The following SLC35F3 variants were observed in gnomAD, a reference collection of about 807,000 sequenced individuals.
SLC35F3 encodes the protein putative thiamine transporter SLC35F3.
SLC35F3 carries 25 observed loss-of-function variants against 49.9 expected under a neutral mutation model. The observed-to-expected ratio is 0.50, with a 90% confidence interval of 0.37 to 0.70. The LOEUF is 0.70. Ranked by LOEUF, SLC35F3 falls within the 30% of genes least tolerant of loss-of-function variation. The pLI, the probability that SLC35F3 is intolerant of heterozygous loss-of-function variation, is 0.00. For synonymous variants in SLC35F3, 275 were observed against 265.4 expected (o/e 1.04, Z -0.35); for missense variants, 525 against 639.8 (o/e 0.82, Z 1.94).
intron 2 of SLC35F3, among the ~76,000 whole-genome samples, chr1:234,122,756 G>T (rs1387187228): frequency 6.6e-6 from 1 of 152,110 alleles, no homozygotes; most frequent in Non-Finnish European, 1.5e-5. Flanking sequence ...GAGAATGATG[G>T]CTTGCAGCTT....
chr1:233,941,648 C>A (rs1416457679), intron 2 of SLC35F3, among the ~76,000 whole-genome samples: 2 of 152,120 alleles, frequency 1.3e-5, no homozygotes, highest in African/African-American at 4.8e-5. Flanking sequence ...GTCATAACTC[C>A]CCGATGATCA....
At chr1:234,060,091 A>G (rs1664518642) in intron 2 of SLC35F3, among the ~76,000 whole-genome samples, 1 of 152,224 alleles carries the variant, frequency 6.6e-6, no homozygotes, top group South Asian at 2.1e-4. Context: ...AGAATCAATA[A>G]CAAAACATAC....
chr1:234,248,197 C>G (rs672096), intron 3 of SLC35F3, among the ~76,000 whole-genome samples: 102,154 of 122,488 alleles, frequency 0.83, 40,944 homozygotes, highest in African/African-American at 0.9. Context: ...GTTGGCTGGT[C>G]CATTGTTTGG....
intron 2 of SLC35F3, among the ~76,000 whole-genome samples, chr1:234,017,537 C>T (rs895502529): frequency 2.6e-5 from 4 of 151,550 alleles, no homozygotes; most frequent in African/African-American, 9.7e-5. Context: ...CACTGTGAAA[C>T]CCCGTCTCTA....
At chr1:234,262,206 C>T (rs1667915375) in intron 3 of SLC35F3, among the ~76,000 whole-genome samples, 1 of 151,874 alleles carries the variant, frequency 6.6e-6, no homozygotes, top group African/African-American at 2.4e-5. Context: ...GAGTGTGAAG[C>T]AATGTGCTAG....
chr1:234,166,935 C>A (rs1160617689), intron 2 of SLC35F3, among the ~76,000 whole-genome samples: 1 of 152,166 alleles, frequency 6.6e-6, no homozygotes, highest in African/African-American at 2.4e-5. Flanking sequence ...TCATTCCACG[C>A]CCTAAGGGAA....
chr1:234,101,373 A>T (rs1247690535), intron 2 of SLC35F3, among the ~76,000 whole-genome samples: 1 of 151,940 alleles, frequency 6.6e-6, no homozygotes, highest in Non-Finnish European at 1.5e-5. Flanking sequence ...TTGCCCAGAC[A>T]CTCCTGAAAA....
intron 2 of SLC35F3, among the ~76,000 whole-genome samples, chr1:233,982,364 T>A (rs1337774895): frequency 6.6e-6 from 1 of 152,186 alleles, no homozygotes; most frequent in African/African-American, 2.4e-5. Flanking sequence ...GAGGTTTTTT[T>A]AAATTTATTT....
intron 2 of SLC35F3, among the ~76,000 whole-genome samples, chr1:234,155,393 C>CTGACGATGA (rs1553310138): frequency 1.0e-5 from 1 of 99,574 alleles, no homozygotes; most frequent in African/African-American, 5.0e-5. Flanking sequence ...TGCTATTCAC[C>CTGACGATGA]TGATTATTAT....
rs191664666 is a variant in SLC35F3, at chr1:234,152,462, G to A, written c.284-78955G>A. On this transcript the variant is annotated intron_variant, in intron 2 of 7. Coordinates refer to ENST00000366618, the MANE Select transcript of SLC35F3 (RefSeq NM_173508.4). ...CTCATTGTTCACCTCCCACCTATGAGTGAGAACATGCAGTGTTTGGTTTTC... is the reference window on the plus strand; with the variant it reads ...CTCATTGTTCACCTCCCACCTATGAATGAGAACATGCAGTGTTTGGTTTTC... Among the ~76,000 whole-genome samples, 646 of 152,204 alleles carry A rather than the reference G, an allele frequency of 4.2e-3. 5 individuals carry two copies. Among genetic ancestry groups the A allele is most frequent in the African/African-American group, 0.015 (612 of 41,506 alleles).
At chr1:234,289,852 A>T (rs1322899817) in intron 3 of SLC35F3, among the ~76,000 whole-genome samples, 3 of 152,266 alleles carry the variant, frequency 2.0e-5, no homozygotes, top group African/African-American at 7.2e-5. Flanking sequence ...TAAATCACAA[A>T]GTAAACCAAA....
chr1:234,095,243 T>A (rs971530754), intron 2 of SLC35F3, among the ~76,000 whole-genome samples: 3 of 152,168 alleles, frequency 2.0e-5, no homozygotes, highest in Non-Finnish European at 4.4e-5. Context: ...AAGTTCATGG[T>A]CATTAACTTA....
chr1:234,257,682 A>G (rs959010204), intron 3 of SLC35F3, among the ~76,000 whole-genome samples: 2 of 152,218 alleles, frequency 1.3e-5, no homozygotes, highest in Non-Finnish European at 2.9e-5. Flanking sequence ...CAGAGACTGC[A>G]ATAAGAAAGT....
At chr1:233,988,463 A>G (rs753951727) in intron 2 of SLC35F3, among the ~76,000 whole-genome samples, 12 of 152,188 alleles carry the variant, frequency 7.9e-5, no homozygotes, top group Non-Finnish European at 4.4e-5. Flanking sequence ...ACTTGCTATC[A>G]GTTCCCCTAT....
intron 3 of SLC35F3, among the ~76,000 whole-genome samples, chr1:234,286,912 G>A (rs754840052): frequency 1.3e-5 from 2 of 152,208 alleles, no homozygotes; most frequent in East Asian, 3.8e-4. Flanking sequence ...GCTTATGCCT[G>A]TAATCCTAGC....
chr1:233,971,455 C>T (rs79529053), intron 2 of SLC35F3, among the ~76,000 whole-genome samples: 4,435 of 152,298 alleles, frequency 0.029, 98 homozygotes, highest in South Asian at 0.074. Flanking sequence ...GTGGCTCACG[C>T]ACAGGCGTGA....
intron 2 of SLC35F3, among the ~76,000 whole-genome samples, chr1:234,228,462 G>T (rs74147574): frequency 0.016 from 2,396 of 152,276 alleles, 63 homozygotes; most frequent in African/African-American, 0.055. Context: ...ATTCCTGAAA[G>T]ATGGTAATCA....
At chr1:233,936,342 T>C (rs538580593) in intron 2 of SLC35F3, among the ~76,000 whole-genome samples, 1 of 152,336 alleles carries the variant, frequency 6.6e-6, no homozygotes, top group East Asian at 1.9e-4. Flanking sequence ...AGTAAACTTT[T>C]ACTGGATAAG....
intron 2 of SLC35F3, among the ~76,000 whole-genome samples, chr1:234,176,213 G>T (rs578170894): frequency 6.6e-6 from 1 of 152,318 alleles, no homozygotes; most frequent in East Asian, 1.9e-4. Flanking sequence ...ACACTCTGCT[G>T]CACTTGGCAG....
Sources: allele counts gnomAD v4.1 joint callset (sites outside exome capture counted in the v4.1 genomes callset), GRCh38; gene constraint gnomAD v4.1.1; transcripts MANE v1.5; gene names NCBI Gene and HGNC (gene_info 2026-07-23, HGNC 2026-07-21).